IQGAP1: variants seen among roughly 807,000 people sequenced by gnomAD.
IQGAP1 encodes the protein IQ motif containing GTPase activating protein 1, also known as ras GTPase-activating-like protein IQGAP1.
In IQGAP1, 66 loss-of-function variants were observed where a neutral mutation model predicts 215.6. The observed-to-expected ratio is 0.31, with a 90% CI of 0.25 to 0.38. The LOEUF is 0.38. Ranked by LOEUF, IQGAP1 falls within the 10% of genes least tolerant of loss-of-function variation. The probability of loss-of-function intolerance (pLI) is 1.00; values close to 1 mark genes in which losing one functional copy is unlikely to be tolerated. For synonymous variants in IQGAP1, 772 were observed against 728.7 expected, an observed-to-expected ratio of 1.06 and a Z score of -0.96; for missense variants, 1,712 against 1,997.1, an observed-to-expected ratio of 0.86 and a Z score of 2.72.
chr15:90,392,937 G>A (rs930235769), intron 2 of IQGAP1, among the ~76,000 whole-genome samples: 11 of 151,830 alleles, frequency 7.2e-5, no homozygotes, highest in Middle Eastern at 3.4e-3. Flanking sequence ...TAGAGACTGG[G>A]TTTCACCATA....
At chr15:90,457,860 A>G (rs1315276796) in intron 15 of IQGAP1, among the ~76,000 whole-genome samples, 2 of 152,188 alleles carry the variant, frequency 1.3e-5, no homozygotes, top group African/African-American at 2.4e-5. Flanking sequence ...TGAAGCTTTA[A>G]TAGATAATGT....
intron 4 of IQGAP1, among the ~76,000 whole-genome samples, chr15:90,430,368 T>C (rs1311271518): frequency 1.3e-5 from 2 of 152,216 alleles, no homozygotes; most frequent in Non-Finnish European, 2.9e-5. Context: ...AGAATTCCGC[T>C]TCTGGGAAGT....
rs562088686 is a variant in IQGAP1, at chr15:90,390,000, C to G, written c.56-774C>G. Among the ~76,000 whole-genome samples the G allele has an allele frequency of 4.7e-5, 7 of 149,480 alleles. No individual in the cohort carries two copies. The East Asian group carries it at 1.2e-3, about 25-fold the overall frequency. On this transcript the variant is annotated intron_variant, in intron 1 of 37. Transcript: ENST00000268182. The stretch of plus-strand genomic sequence containing the variant: ...TTGATAGGGCATGTGGAACAAGAGA[C>G]AGGACCTGAGGGAAGAGCATAAACA...
intron 2 of IQGAP1, among the ~76,000 whole-genome samples, chr15:90,405,966 C>T (rs1473001351): frequency 6.6e-6 from 1 of 151,962 alleles, no homozygotes; most frequent in African/African-American, 2.4e-5. Flanking sequence ...CTGTTCTTGG[C>T]TTATAGAGCT....
intron 22 of IQGAP1, 135 bp downstream of exon 22, chr15:90,474,268 C>G: frequency 2.4e-6 from 2 of 843,598 alleles, no homozygotes; most frequent in Non-Finnish European, 1.8e-6. Flanking sequence ...ACATAAGCCC[C>G]TTTGCTAACA....
Position 90,476,805 on chromosome 15 carries a change from T to G in IQGAP1, c.2927T>G (p.Phe976Cys), listed in dbSNP as rs1242615773. The G allele has an allele frequency of 6.3e-7, 1 of 1,588,190 alleles. No homozygotes were observed. Among genetic ancestry groups the G allele is most frequent in the Admixed American group, 2.0e-5 (1 of 49,660 alleles). The part of the protein sequence containing the change: ...REKLEAYQHL[F>C]YLLQTNPTYL... Reference sequence around the variant, plus strand: ...AAGTTGGAAGCTTACCAGCACCTGTTTTATTTATTGCAAGTAAGTGGCTCC... The same window carrying G: ...AAGTTGGAAGCTTACCAGCACCTGTGTTATTTATTGCAAGTAAGTGGCTCC... The change falls in exon 24 of 38, where the codon TTT (phenylalanine) becomes TGT (cysteine). Residue 976 changes from phenylalanine (F) to cysteine (C), a missense_variant. Coordinates refer to ENST00000268182, the MANE Select transcript of IQGAP1 (RefSeq NM_003870.4).
At chr15:90,409,496 C>A (rs918517697) in intron 2 of IQGAP1, among the ~76,000 whole-genome samples, 8 of 152,084 alleles carry the variant, frequency 5.3e-5, no homozygotes, top group African/African-American at 1.7e-4. Context: ...CCTTGGCCTC[C>A]CAAAGTGCTG....
At chr15:90,429,809 A>T in intron 4 of IQGAP1, 143 bp downstream of exon 4, 1 of 515,388 alleles carries the variant, frequency 1.9e-6, no homozygotes, top group Non-Finnish European at 3.4e-6. Flanking sequence ...TTTCTTTTTG[A>T]CTTAGGAAAT....
rs369455754 is a variant in IQGAP1, at chr15:90,448,706, G to C, written c.1047G>C (p.Gln349His). Residue 349 changes from glutamine (Q) to histidine (H), a missense_variant, in exon 10 of 38, where the codon CAG becomes CAC. Gln to His is a conservative substitution (Grantham distance 24, BLOSUM62 0). Coordinates refer to ENST00000268182, the MANE Select transcript of IQGAP1 (RefSeq NM_003870.4). ...QQQNSDWYLK[Q>H]LLSDKQQKRQ... ...AGAATAGCGACTGGTACTTGAAGCAGCTCCTGAGTGATAAACAGCAGAAGA... is the reference window on the plus strand; with the variant it reads ...AGAATAGCGACTGGTACTTGAAGCACCTCCTGAGTGATAAACAGCAGAAGA... 6.2e-7 allele frequency: 1 copy of C among 1,605,008 alleles called. No homozygotes were observed. The highest frequency in any genetic ancestry group is 8.5e-7 in the Non-Finnish European group (1 of 1,176,394).
chr15:90,418,087 C>G (rs1166244820), intron 2 of IQGAP1, among the ~76,000 whole-genome samples: 1 of 152,120 alleles, frequency 6.6e-6, no homozygotes, highest in Non-Finnish European at 1.5e-5. Context: ...ATAACTGTTA[C>G]CAGAGAGTAA....
chr15:90,457,044 A>G (rs1439441864), intron 15 of IQGAP1, among the ~76,000 whole-genome samples: 1 of 151,702 alleles, frequency 6.6e-6, no homozygotes, highest in African/African-American at 2.4e-5. Context: ...GCAATTGCAT[A>G]AATTTTCAAA....
At chr15:90,482,411 T>C (rs994736097) in intron 28 of IQGAP1, 130 bp downstream of exon 28, 18 of 805,282 alleles carry the variant, frequency 2.2e-5, no homozygotes, top group Non-Finnish European at 2.9e-5. Context: ...TGTGAGCTTT[T>C]GAAAGCAATT....
At chr15:90,461,994 A>AAG (rs1567134138) in intron 15 of IQGAP1, among the ~76,000 whole-genome samples, 6 of 12,238 alleles carry the variant, frequency 4.9e-4, no homozygotes, top group African/African-American at 1.5e-3. Flanking sequence ...AAAAAAAAAA[A>AAG]AAAAAGAAAA....
In IQGAP1 at chr15:90,474,704, G is replaced by C. The variant is rs1965953141; in HGVS notation, c.2784+11G>C. 3 of 1,592,474 alleles carry C rather than the reference G, an allele frequency of 1.9e-6. No individual in the cohort carries two copies. The highest frequency in any genetic ancestry group is 1.3e-5 in the African/African-American group (1 of 74,608). ...AAGATTACGTTGCAGGTATGGCCCAGTGCCAGCGGGGGCCTTGGAACGGTT... is the reference window on the plus strand; with the variant it reads ...AAGATTACGTTGCAGGTATGGCCCACTGCCAGCGGGGGCCTTGGAACGGTT... On this transcript the variant is annotated intron_variant, in intron 23 of 37. Transcript: ENST00000268182.
rs1965623529 is a variant in IQGAP1, at chr15:90,452,792, C to G, written c.1180C>G (p.Leu394Val). Residue 394 changes from leucine to valine, a missense_variant, in exon 12 of 38, where the codon CTG becomes GTG. Leu to Val is a conservative substitution (Grantham distance 32). Coordinates refer to ENST00000268182, the MANE Select transcript of IQGAP1 (RefSeq NM_003870.4). ...QYQRRLAAVA[L>V]INAAIQKGVA... ...TTACACAGGATTGGCAGCAGTAGCA[C>G]TGATTAATGCTGCAATCCAGAAGGG... The G allele has an allele frequency of 6.2e-7, 1 of 1,613,994 alleles. No homozygotes were observed. The highest frequency in any genetic ancestry group is 8.5e-7 in the Non-Finnish European group (1 of 1,179,998).
At chr15:90,441,445 A>G in intron 7 of IQGAP1, 61 bp from the exon 8 acceptor site, 1 of 1,423,430 alleles carries the variant, frequency 7.0e-7, no homozygotes, top group Non-Finnish European at 9.7e-7. Context: ...TGTGATATAC[A>G]TCCTGTAATC....
intron 3 of IQGAP1, among the ~76,000 whole-genome samples, chr15:90,428,980 G>A (rs1567123259): frequency 6.6e-6 from 1 of 152,084 alleles, no homozygotes; most frequent in African/African-American, 2.4e-5. Flanking sequence ...AGCCTCCCGA[G>A]TAGCTGGGAT....
At chr15:90,473,510 C>T (rs1008507) in intron 19 of IQGAP1, 80,159 of 553,610 alleles carry the variant, frequency 0.14, 7,874 homozygotes, top group African/African-American at 0.37. Flanking sequence ...GCTGTGCTGA[C>T]GTTGGGGAAG....
chr15:90,443,284 C>G, intron 8 of IQGAP1, 110 bp from the exon 9 acceptor site: 1 of 660,088 alleles, frequency 1.5e-6, no homozygotes, highest in Non-Finnish European at 2.7e-6. Context: ...GGGTCTTAAG[C>G]TACACCCATA....
Sources: gnomAD v4.1 joint callset for allele counts (sites outside exome capture counted in the v4.1 genomes callset) on GRCh38, gnomAD v4.1.1 for gene constraint, MANE v1.5 for transcripts, NCBI Gene and HGNC (gene_info 2026-07-23, HGNC 2026-07-21) for gene names.